The following SNX1 variants were observed in gnomAD, a reference collection of about 807,000 sequenced individuals.
SNX1 encodes the protein sorting nexin-1.
In SNX1, 36 loss-of-function variants were observed where a neutral mutation model predicts 71.8. The observed-to-expected ratio is 0.50, with a 90% confidence interval of 0.38 to 0.66. The LOEUF is 0.66. Ranked by LOEUF, SNX1 falls within the 30% of genes least tolerant of loss-of-function variation. The probability of loss-of-function intolerance (pLI) is 0.00; values close to 1 mark genes in which losing one functional copy is unlikely to be tolerated. For missense variants in SNX1, 612 were observed against 646.7 expected (o/e 0.95, Z 0.58); for synonymous variants, 254 against 240.7 (o/e 1.06, Z -0.51).
intron 4 of SNX1, among the ~76,000 whole-genome samples, chr15:64,119,270 G>A (rs1438741485): frequency 1.3e-5 from 2 of 152,016 alleles, no homozygotes; most frequent in Admixed American, 6.6e-5. Flanking sequence ...TGGGACTGCA[G>A]GCACGTGCTA....
Position 64,127,255 on chromosome 15 carries a change from A to G in SNX1, c.731+3A>G. ...AAACGGAGGGCCGCTTTAGAAAGGT[A>G]AGTGCCATGCAGCCATTTTCCTGAA... is the stretch of plus-strand genomic sequence containing the variant. On this transcript the variant is annotated splice_donor_region_variant and intron_variant, in intron 7 of 14. Coordinates refer to ENST00000559844, the MANE Select transcript of SNX1 (RefSeq NM_003099.5). 6.2e-7 allele frequency: 1 copy of G among 1,610,418 alleles called. No homozygotes were observed. Among genetic ancestry groups the G allele is most frequent in the Non-Finnish European group, 8.5e-7 (1 of 1,177,538 alleles).
chr15:64,117,135 T>C (rs2081137499), intron 2 of SNX1, among the ~76,000 whole-genome samples: 1 of 152,216 alleles, frequency 6.6e-6, no homozygotes, highest in South Asian at 2.1e-4. Flanking sequence ...CTTGGCTCCA[T>C]TTTTTTCTAG....
At chr15:64,130,474 C>A (rs2081295525) in intron 10 of SNX1, among the ~76,000 whole-genome samples, 153 bp downstream of exon 10, 1 of 152,160 alleles carries the variant, frequency 6.6e-6, no homozygotes, top group Admixed American at 6.5e-5. Context: ...AAAAGGTATG[C>A]CCTGTGTCTC....
In SNX1 at chr15:64,138,148, T is replaced by A. The variant is rs762995788; in HGVS notation, c.*530T>A. 2.4e-5 allele frequency: 37 copies of A among 1,535,688 alleles called. No individual in the cohort carries two copies. In the South Asian group the frequency reaches 4.2e-4, roughly 17 times the overall value. On this transcript the variant is annotated 3_prime_UTR_variant, in exon 15 of 15. Transcript: ENST00000559844. The stretch of plus-strand genomic sequence containing the variant: ...CACAAGTTTTGTGCTGCTGCTTCCC[T>A]CTGGAAATGGGGTTTCTTTCTCTCC...
Position 64,118,776 on chromosome 15 carries a change from T to C in SNX1, c.400-12T>C, listed in dbSNP as rs1022303184. On this transcript the variant is annotated splice_polypyrimidine_tract_variant and intron_variant, in intron 3 of 14. Coordinates refer to ENST00000559844, the MANE Select transcript of SNX1 (RefSeq NM_003099.5). ...CATATCAACTCTCATGATTTGTCTT[T>C]TCTTGAAAAAGCTAGAGGAAGAAGA... 1 of 1,609,176 alleles carries C rather than the reference T, an allele frequency of 6.2e-7. No individual in the cohort carries two copies.
rs1413298386 is a variant in SNX1, at chr15:64,096,766, C to G, written c.159+594C>G. On this transcript the variant is annotated intron_variant, in intron 1 of 14. Transcript: ENST00000559844. ...CTGCCAGATAAATCACTACATAGAT[C>G]AGAAAGCTTTCTCCTTTTTAAAGGG... Among the ~76,000 whole-genome samples the G allele has an allele frequency of 2.0e-5, 3 of 152,294 alleles. No individual in the cohort carries two copies. The East Asian group carries it at 5.8e-4, about 29-fold the overall frequency.
chr15:64,100,626 A>G (rs868687907), intron 1 of SNX1, among the ~76,000 whole-genome samples: 13 of 142,812 alleles, frequency 9.1e-5, no homozygotes, highest in African/African-American at 3.3e-4. Context: ...AAAAAAAAAA[A>G]GAGACTCAAA....
At chr15:64,098,233 C>T (rs932807049) in intron 1 of SNX1, among the ~76,000 whole-genome samples, 9 of 152,132 alleles carry the variant, frequency 5.9e-5, no homozygotes, top group African/African-American at 2.2e-4. Context: ...TTTAGTAATT[C>T]TTCTATAAGT....
rs2081216472 is a variant in SNX1 at position 64,123,518 on chromosome 15, C to T, written c.482C>T (p.Ala161Val). 4 of 1,613,682 alleles carry T rather than the reference C, an allele frequency of 2.5e-6. No individual in the cohort carries two copies. The highest frequency in any genetic ancestry group is 1.3e-5 in the African/African-American group (1 of 74,914). ...TCTCTCACAGGGGATGGTATGAATG[C>T]ATATGTAGCCTACAAAGTTACAACA... ...DPEKIGDGMNAYVAYKVTTQT... is the reference protein window; with the variant it reads ...DPEKIGDGMNVYVAYKVTTQT... The change falls in exon 5 of 15, where the codon GCA becomes GTA. Residue 161 changes from alanine to valine, a missense_variant. Transcript: ENST00000559844.
intron 10 of SNX1, among the ~76,000 whole-genome samples, chr15:64,130,904 A>G (rs889708130): frequency 9.2e-5 from 14 of 152,228 alleles, no homozygotes; most frequent in African/African-American, 3.4e-4. Context: ...GCCATGAGCT[A>G]CAAATTTAGG....
chr15:64,130,753 G>T (rs1567330935), intron 10 of SNX1, among the ~76,000 whole-genome samples: 1 of 152,192 alleles, frequency 6.6e-6, no homozygotes, highest in Non-Finnish European at 1.5e-5. Flanking sequence ...TTCCCAGTTT[G>T]AATCTTTTCC....
In SNX1 at chr15:64,138,300, A is replaced by G. The variant is rs1219120392; in HGVS notation, c.*682A>G. On this transcript the variant is annotated 3_prime_UTR_variant, in exon 15 of 15. Coordinates refer to ENST00000559844, the MANE Select transcript of SNX1 (RefSeq NM_003099.5). ...ATCTATTAAAACCTATTCTCCTGCA[A>G]AGGAGGCAGAGACTTTCTCTCTCTC... 3 of 1,101,638 alleles carry G rather than the reference A, an allele frequency of 2.7e-6. No individual in the cohort carries two copies. In the African/African-American group the frequency reaches 4.9e-5, roughly 18 times the overall value. The allele number at this position is 1,101,638 out of a possible 1,614,324, so 68.2% of individuals were successfully genotyped here. A position where few individuals can be genotyped will look rare whatever the true frequency, so the allele number is the denominator to read the frequency against.
At chr15:64,117,785 C>G (rs549959230) in intron 2 of SNX1, among the ~76,000 whole-genome samples, 1 of 152,196 alleles carries the variant, frequency 6.6e-6, no homozygotes, top group African/African-American at 2.4e-5. Context: ...GAGTGACACT[C>G]TGTCTAAAAA....
chr15:64,124,500 C>T (rs1160131887), intron 5 of SNX1, among the ~76,000 whole-genome samples: 4 of 129,048 alleles, frequency 3.1e-5, no homozygotes, highest in Non-Finnish European at 4.7e-5. Flanking sequence ...GAGGGAGACT[C>T]TGTCTCAAAA....
intron 2 of SNX1, among the ~76,000 whole-genome samples, chr15:64,113,346 A>G (rs558526336): frequency 6.6e-6 from 1 of 152,120 alleles, no homozygotes; most frequent in Non-Finnish European, 1.5e-5. Context: ...TGCCCCCCAG[A>G]AGACATTTGG....
intron 2 of SNX1, among the ~76,000 whole-genome samples, chr15:64,116,442 T>C (rs2081129879): frequency 6.6e-6 from 1 of 152,216 alleles, no homozygotes. Flanking sequence ...CAGATTATGT[T>C]ACCACCTTTC....
chr15:64,096,526 G>A (rs902809483), intron 1 of SNX1, among the ~76,000 whole-genome samples: 1 of 152,240 alleles, frequency 6.6e-6, no homozygotes, highest in Non-Finnish European at 1.5e-5. Flanking sequence ...CGGAATAAGC[G>A]AATGGGATGC....
At chr15:64,127,065 G>A (rs2081261635) in intron 6 of SNX1, 109 bp from the exon 7 acceptor site, 4 of 789,964 alleles carry the variant, frequency 5.1e-6, no homozygotes, top group Non-Finnish European at 8.4e-6. Flanking sequence ...GTGGCCTTAG[G>A]CTGTGTGCTA....
intron 11 of SNX1, among the ~76,000 whole-genome samples, chr15:64,132,982 C>T (rs74019213): frequency 0.018 from 2,742 of 152,338 alleles, 97 homozygotes; most frequent in African/African-American, 0.063. Context: ...CTATGAGGAG[C>T]ATTGTTTGGG....
Sources: allele counts gnomAD v4.1 joint callset (sites outside exome capture counted in the v4.1 genomes callset), GRCh38; gene constraint gnomAD v4.1.1; transcripts MANE v1.5; gene names NCBI Gene and HGNC (gene_info 2026-07-23, HGNC 2026-07-21).